The following C1GALT1 variants were observed in gnomAD, a reference collection of about 807,000 sequenced individuals.
C1GALT1 encodes core 1 synthase, glycoprotein-N-acetylgalactosamine 3-beta-galactosyltransferase 1.
A neutral mutation model predicts 31.0 loss-of-function variants in C1GALT1; 11 were observed. The ratio of observed to expected loss-of-function variants is 0.36; its 90% CI spans 0.22 to 0.59. The LOEUF (loss-of-function observed/expected upper bound fraction) is 0.59. Among genes scored for constraint, C1GALT1 ranks in the 20% least tolerant of loss-of-function variants. C1GALT1 has a pLI of 0.79. For missense variants in C1GALT1, 424 were observed against 425.2 expected (o/e 1.00, Z 0.03); for synonymous variants, 175 against 143.6 (o/e 1.22, Z -1.56).
chr7:7,248,224 T>G lies in C1GALT1; in HGVS notation c.*4497T>G, dbSNP rs1404830468. The G allele has an allele frequency of 1.3e-5, 2 of 151,978 alleles. No homozygotes were observed. Among genetic ancestry groups the G allele is most frequent in the African/African-American group, 4.8e-5 (2 of 41,428 alleles). 9.4% of individuals were successfully genotyped at this position (151,978 alleles called of 1,614,324 possible). A position where few individuals can be genotyped will look rare whatever the true frequency, so the allele number is the denominator to read the frequency against. On this transcript the variant is annotated 3_prime_UTR_variant, in exon 4 of 4. Transcript: ENST00000436587. ...AGGCTAGAATAAGGAATTTTACAAATTCTCTTTAGAGCAACCAACATTAAA... is the reference window on the plus strand; with the variant it reads ...AGGCTAGAATAAGGAATTTTACAAAGTCTCTTTAGAGCAACCAACATTAAA...
At chr7:7,173,668 C>T (rs1172233264) in intron 2 of C1GALT1, among the ~76,000 whole-genome samples, 1 of 152,076 alleles carries the variant, frequency 6.6e-6, no homozygotes, top group Non-Finnish European at 1.5e-5. Context: ...TTTGGGAGGC[C>T]AAGGCAGCAG....
In C1GALT1 at chr7:7,198,671, T is replaced by C. The variant is rs184068689; in HGVS notation, c.-18+15851T>C. On this transcript the variant is annotated intron_variant, in intron 1 of 3. Transcript: ENST00000436587. ...TGTGAATCCATCTGGTCCTGGACTT[T>C]TTTTGGTTCATAGGCTATTAATTAT... Among the ~76,000 whole-genome samples the C allele has an allele frequency of 2.4e-3, 368 of 152,286 alleles. 2 individuals are homozygous for C. Among genetic ancestry groups the C allele is most frequent in the East Asian group, 2.1e-3 (11 of 5,188 alleles).
At chr7:7,165,996 T>C (rs1780388676) in intron 2 of C1GALT1, among the ~76,000 whole-genome samples, 1 of 152,172 alleles carries the variant, frequency 6.6e-6, no homozygotes, top group African/African-American at 2.4e-5. Flanking sequence ...ATGCAAATAT[T>C]CCAAAAGTTC....
At chr7:7,201,515 C>A (rs1781530248) in intron 1 of C1GALT1, among the ~76,000 whole-genome samples, 1 of 152,216 alleles carries the variant, frequency 6.6e-6, no homozygotes, top group Non-Finnish European at 1.5e-5. Context: ...GGGAAAACCA[C>A]TGCTCTCATG....
chr7:7,194,740 A>G (rs188958114), intron 1 of C1GALT1, among the ~76,000 whole-genome samples: 117 of 152,204 alleles, frequency 7.7e-4, no homozygotes, highest in African/African-American at 2.7e-3. Context: ...GATAGTGTCA[A>G]TAGGATTGGT....
At chr7:7,212,439 C>G (rs1782046860) in intron 1 of C1GALT1, among the ~76,000 whole-genome samples, 2 of 152,116 alleles carry the variant, frequency 1.3e-5, no homozygotes, top group African/African-American at 2.4e-5. Flanking sequence ...TCTTACTGCA[C>G]TAATGCAAAC....
intron 1 of C1GALT1, among the ~76,000 whole-genome samples, chr7:7,226,303 C>G (rs1286957197): frequency 6.6e-6 from 1 of 151,664 alleles, no homozygotes; most frequent in Non-Finnish European, 1.5e-5. Context: ...ATGCCATAAT[C>G]CAGAGCAAAA....
intron 1 of C1GALT1, among the ~76,000 whole-genome samples, chr7:7,189,166 T>G (rs1780948323): frequency 6.6e-6 from 1 of 152,224 alleles, no homozygotes; most frequent in African/African-American, 2.4e-5. Context: ...CTACTACTAT[T>G]CTATGCTATG....
In C1GALT1 at chr7:7,238,547, C is replaced by T; in HGVS notation, c.513C>T (p.Asp171=). 3 of 1,614,058 alleles carry T rather than the reference C, an allele frequency of 1.9e-6. No homozygotes were observed. Among genetic ancestry groups the T allele is most frequent in the Non-Finnish European group, 1.7e-6 (2 of 1,179,990 alleles). ...DADWFLKADD[D]TYVILDNLRW... Reference sequence around the variant, plus strand: ...ATTGGTTTTTGAAAGCAGATGATGACACGTATGTCATACTAGACAATTTGA... The same window carrying T: ...ATTGGTTTTTGAAAGCAGATGATGATACGTATGTCATACTAGACAATTTGA... Residue 171 remains aspartate (D), a synonymous_variant, in exon 3 of 4, where the codon GAC becomes GAT. Coordinates refer to ENST00000436587, the MANE Select transcript of C1GALT1 (RefSeq NM_020156.5). The surrounding 1 kb of genome is among the most constrained non-coding windows in gnomAD (Gnocchi z 5.2).
At chr7:7,196,893 C>A (rs1331064837) in intron 1 of C1GALT1, among the ~76,000 whole-genome samples, 1 of 152,060 alleles carries the variant, frequency 6.6e-6, no homozygotes, top group Non-Finnish European at 1.5e-5. Context: ...TATCCTTTTC[C>A]CACTTTTTGA....
intron 1 of C1GALT1, among the ~76,000 whole-genome samples, chr7:7,230,937 ATTTGGATTT>A (rs1325027995): frequency 6.6e-6 from 1 of 152,068 alleles, no homozygotes; most frequent in Non-Finnish European, 1.5e-5. Context: ...GCCAATATTT[ATTTGGATTT>A]ACTTACATAC....
At chr7:7,208,661 A>G (rs1781860618) in intron 1 of C1GALT1, among the ~76,000 whole-genome samples, 2 of 152,200 alleles carry the variant, frequency 1.3e-5, no homozygotes, top group African/African-American at 4.8e-5. Context: ...TACAACCACA[A>G]TGGCTGCCAG....
At chr7:7,187,399 G>T (rs1780866830) in intron 1 of C1GALT1, among the ~76,000 whole-genome samples, 2 of 151,654 alleles carry the variant, frequency 1.3e-5, no homozygotes, top group South Asian at 4.2e-4. Context: ...ACAGGCACCT[G>T]CCACCATGCC....
In C1GALT1 at chr7:7,189,930, GCCA is replaced by G. The variant is rs369541648; in HGVS notation, c.-18+7113_-18+7115del. Among the ~76,000 whole-genome samples the G allele has an allele frequency of 6.6e-5, 10 of 151,878 alleles. No homozygotes were observed. The East Asian group carries it at 1.4e-3, about 21-fold the overall frequency. On this transcript the variant is annotated intron_variant, in intron 1 of 3. Coordinates refer to ENST00000436587, the MANE Select transcript of C1GALT1 (RefSeq NM_020156.5). ...TAATTCAATACCATTTCTTCAATAA[GCCA>G]CCTTTTTCTTGATTTGAAATGCTGT...
chr7:7,219,790 C>A (rs1204024052), intron 1 of C1GALT1, among the ~76,000 whole-genome samples: 2 of 151,896 alleles, frequency 1.3e-5, no homozygotes. Context: ...TTTTTTTAAG[C>A]ACATAATTGT....
intron 1 of C1GALT1, among the ~76,000 whole-genome samples, chr7:7,229,621 C>T (rs1782971962): frequency 6.6e-6 from 1 of 152,108 alleles, no homozygotes; most frequent in Non-Finnish European, 1.5e-5. Flanking sequence ...CTGGTTAGAG[C>T]AAGGTCTAAT....
intron 1 of C1GALT1, 55 bp downstream of exon 1, chr7:7,182,875 G>GC: frequency 1.0e-6 from 1 of 980,840 alleles, no homozygotes; most frequent in Non-Finnish European, 1.2e-6. Flanking sequence ...GTCTCCCCTC[G>GC]CCCTCCCCCC....
intron 1 of C1GALT1, among the ~76,000 whole-genome samples, chr7:7,194,770 T>C (rs1781216546): frequency 6.6e-6 from 1 of 152,162 alleles, no homozygotes; most frequent in Non-Finnish European, 1.5e-5. Context: ...TCTTTGAATA[T>C]TGGATAGAAT....
chr7:7,202,466 A>G (rs1406253110), intron 1 of C1GALT1, among the ~76,000 whole-genome samples: 1 of 152,172 alleles, frequency 6.6e-6, no homozygotes, highest in Non-Finnish European at 1.5e-5. Flanking sequence ...TCCCAGCAAC[A>G]TTTGTTAAAA....
Sources: gnomAD v4.1 joint callset for allele counts (sites outside exome capture counted in the v4.1 genomes callset) on GRCh38, gnomAD v4.1.1 for gene constraint, Gnocchi (gnomAD v3.1) non-coding constraint, MANE v1.5 for transcripts, NCBI Gene and HGNC (gene_info 2026-07-23, HGNC 2026-07-21) for gene names.